The following HOXD4 variants were observed in gnomAD, a reference collection of about 807,000 sequenced individuals.
HOXD4 encodes the protein homeobox D4, also known as homeobox protein Hox-D4.
Under a neutral mutation model 22.6 loss-of-function variants are expected in HOXD4, and 15 were observed. The observed-to-expected ratio is 0.67, with a 90% confidence interval of 0.45 to 1.02. The LOEUF is 1.02. HOXD4 is among the 50% of genes least tolerant of loss of function. The pLI is 0.00. For missense variants in HOXD4, 350 were observed against 346.6 expected (o/e 1.01, Z -0.08); for synonymous variants, 176 against 157.0 (o/e 1.12, Z -0.90).
chr2:176,153,142 GC>G lies in HOXD4; in HGVS notation c.*201del. 2.0e-6 allele frequency: 1 copy of G among 490,376 alleles called. No homozygotes were observed. Among genetic ancestry groups the G allele is most frequent in the Non-Finnish European group, 3.8e-6 (1 of 261,274 alleles). 30.4% of individuals were successfully genotyped at this position (490,376 alleles called of 1,614,324 possible). A position where few individuals can be genotyped will look rare whatever the true frequency, so the allele number is the denominator to read the frequency against. On this transcript the variant is annotated 3_prime_UTR_variant, in exon 2 of 2. Transcript: ENST00000306324. Reference sequence around the variant, plus strand: ...GAGCGGGATGGGGATGGGAGGGGGGGCGGGATTCTCTCTCTAAGTATATTAT... The same window carrying G: ...GAGCGGGATGGGGATGGGAGGGGGGGGGGATTCTCTCTCTAAGTATATTAT...
At position 176,152,726 on chromosome 2, in the gene HOXD4, G is replaced by A. The variant is rs1416403766; in HGVS notation, c.552G>A (p.Arg184=). ...HFNRYLTRRR[R]IEIAHTLCLS... is the part of the protein sequence containing the mutation. ...ACAGGTATCTGACAAGGCGCCGTCGGATTGAAATCGCTCACACCCTGTGTC... is the reference window on the plus strand; with the variant it reads ...ACAGGTATCTGACAAGGCGCCGTCGAATTGAAATCGCTCACACCCTGTGTC... Residue 184 remains arginine, a synonymous_variant, in exon 2 of 2, where the codon CGG becomes CGA. Coordinates refer to ENST00000306324, the MANE Select transcript of HOXD4 (RefSeq NM_014621.3). This position sits in a 1 kb window ranked among gnomAD's most constrained non-coding sequence, Gnocchi z 5.2. The A allele has an allele frequency of 6.2e-7, 1 of 1,614,208 alleles. No individual in the cohort carries two copies. The highest frequency in any genetic ancestry group is 1.1e-5 in the South Asian group (1 of 91,086).
chr2:176,152,198 T>G lies in HOXD4; in HGVS notation c.433+132T>G. On this transcript the variant is annotated intron_variant, in intron 1 of 1. Coordinates refer to ENST00000306324, the MANE Select transcript of HOXD4 (RefSeq NM_014621.3). The surrounding 1 kb of genome is among the most constrained non-coding windows in gnomAD (Gnocchi z 5.2). ...CCGCAATTACTCTCCCCATAAATTTTTATAGCTGAGGGAGCAGGTCAGGAC... is the reference window on the plus strand; with the variant it reads ...CCGCAATTACTCTCCCCATAAATTTGTATAGCTGAGGGAGCAGGTCAGGAC... The G allele has an allele frequency of 1.2e-6, 1 of 812,602 alleles. No individual in the cohort carries two copies. The allele number at this position is 812,602 out of a possible 1,614,324, so 50.3% of individuals were successfully genotyped here. A position where few individuals can be genotyped will look rare whatever the true frequency, so the allele number is the denominator to read the frequency against.
chr2:176,151,949 C>A lies in HOXD4; in HGVS notation c.316C>A (p.Pro106Thr). The A allele has an allele frequency of 1.2e-6, 2 of 1,610,472 alleles. No individual in the cohort carries two copies. The highest frequency in any genetic ancestry group is 1.7e-6 in the Non-Finnish European group (2 of 1,178,380). ...CPAPPAPPPA[P>T]LPGARAYSQS... ...AGCTCCCCCGGCGCCTCCGCCGGCGCCCCTGCCTGGCGCCCGGGCCTACAG... is the reference window on the plus strand; with the variant it reads ...AGCTCCCCCGGCGCCTCCGCCGGCGACCCTGCCTGGCGCCCGGGCCTACAG... The change falls in exon 1 of 2, where the codon CCC (proline) becomes ACC (threonine). Residue 106 changes from proline (P) to threonine (T), a missense_variant. By Grantham distance (38) the Pro-to-Thr change is conservative (BLOSUM62 -1). Transcript: ENST00000306324.
Position 176,151,690 on chromosome 2 carries a change from G to A in HOXD4, c.57G>A (p.Pro19=), listed in dbSNP as rs376860683. The A allele has an allele frequency of 3.0e-5, 48 of 1,613,600 alleles. No individual in the cohort carries two copies. In the African/African-American group the frequency reaches 5.7e-4, roughly 19 times the overall value. The part of the protein sequence containing the change: ...NSKYVDPKFP[P]CEEYLQGGYL... ...AGTATGTGGACCCCAAGTTCCCTCC[G>A]TGCGAGGAGTATTTGCAGGGCGGCT... Residue 19 remains proline, a synonymous_variant, in exon 1 of 2, where the codon CCG becomes CCA. Coordinates refer to ENST00000306324, the MANE Select transcript of HOXD4 (RefSeq NM_014621.3).
In HOXD4 at chr2:176,153,173, C is replaced by G; in HGVS notation, c.*231C>G. The G allele has an allele frequency of 3.5e-6, 2 of 571,250 alleles. No individual in the cohort carries two copies. 35.4% of individuals were successfully genotyped at this position (571,250 alleles called of 1,614,324 possible). On this transcript the variant is annotated 3_prime_UTR_variant, in exon 2 of 2. Coordinates refer to ENST00000306324, the MANE Select transcript of HOXD4 (RefSeq NM_014621.3). ...TTCTCTCTCTAAGTATATTATATGG[C>G]AGGAGCTACTGAGAACATAAAATCT...
In HOXD4 at chr2:176,152,064, C is replaced by T. The variant is rs765300039; in HGVS notation, c.431C>T (p.Ser144Leu). 17 of 1,612,942 alleles carry T rather than the reference C, an allele frequency of 1.1e-5. No homozygotes were observed. Among genetic ancestry groups the T allele is most frequent in the Non-Finnish European group, 1.4e-5 (17 of 1,179,468 alleles). The stretch of plus-strand genomic sequence containing the variant: ...TGGATGAAGAAGGTGCACGTGAATT[C>T]GGGTAAGGCTAGGGTCCAGTAACCT... ...YPWMKKVHVN[S>L]VNPNYTGGEP... is the part of the protein sequence containing the mutation. The change falls in exon 1 of 2, where the codon TCG becomes TTG. Residue 144 changes from serine to leucine, a missense_variant and splice_region_variant. Coordinates refer to ENST00000306324, the MANE Select transcript of HOXD4 (RefSeq NM_014621.3). This position sits in a 1 kb window ranked among gnomAD's most constrained non-coding sequence, Gnocchi z 5.2.
chr2:176,151,671 T>C lies in HOXD4; in HGVS notation c.38T>C (p.Val13Ala). 1.2e-6 allele frequency: 2 copies of C among 1,613,546 alleles called. No homozygotes were observed. The highest frequency in any genetic ancestry group is 2.2e-5 in the East Asian group (1 of 44,884). ...MSSYMVNSKYVDPKFPPCEEY... is the reference protein window; with the variant it reads ...MSSYMVNSKYADPKFPPCEEY... ...TCGTATATGGTGAACTCCAAGTATG[T>C]GGACCCCAAGTTCCCTCCGTGCGAG... Residue 13 changes from valine to alanine, a missense_variant, in exon 1 of 2, where the codon GTG (valine) becomes GCG (alanine). Val to Ala is a moderately conservative substitution (Grantham distance 64). Transcript: ENST00000306324.
chr2:176,152,991 AGCTGC>A lies in HOXD4; in HGVS notation c.*51_*55del. The A allele has an allele frequency of 6.3e-7, 1 of 1,579,526 alleles. No homozygotes were observed. Among genetic ancestry groups the A allele is most frequent in the Non-Finnish European group, 8.7e-7 (1 of 1,148,742 alleles). ...CTCCCTGCGCACCAGGCTGAGCCGAAGCTGCGGGGGCAGGCCGGGCCTGCTGTCAC... is the reference window on the plus strand; with the variant it reads ...CTCCCTGCGCACCAGGCTGAGCCGAAGGGGGCAGGCCGGGCCTGCTGTCAC... On this transcript the variant is annotated 3_prime_UTR_variant, in exon 2 of 2. Transcript: ENST00000306324. The surrounding 1 kb of genome is among the most constrained non-coding windows in gnomAD (Gnocchi z 5.2).
Position 176,152,717 on chromosome 2 carries a change from G to C in HOXD4, c.543G>C (p.Arg181Ser). Residue 181 changes from arginine to serine, a missense_variant, in exon 2 of 2, where the codon AGG (arginine) becomes AGC (serine). By Grantham distance (110) the Arg-to-Ser change is moderately radical. Coordinates refer to ENST00000306324, the MANE Select transcript of HOXD4 (RefSeq NM_014621.3). The surrounding 1 kb of genome is among the most constrained non-coding windows in gnomAD (Gnocchi z 5.2). ...KEFHFNRYLT[R>S]RRRIEIAHTL... The stretch of plus-strand genomic sequence containing the variant: ...TTCATTTTAACAGGTATCTGACAAG[G>C]CGCCGTCGGATTGAAATCGCTCACA... 1 of 1,614,196 alleles carries C rather than the reference G, an allele frequency of 6.2e-7. No homozygotes were observed. Among genetic ancestry groups the C allele is most frequent in the South Asian group, 1.1e-5 (1 of 91,076 alleles).
In HOXD4 at chr2:176,151,901, G is replaced by A. The variant is rs1375942600; in HGVS notation, c.268G>A (p.Ala90Thr). 6.3e-7 allele frequency: 1 copy of A among 1,591,078 alleles called. No individual in the cohort carries two copies. The highest frequency in any genetic ancestry group is 8.6e-7 in the Non-Finnish European group (1 of 1,168,640). The change falls in exon 1 of 2, where the codon GCC becomes ACC. Residue 90 changes from alanine (A) to threonine (T), a missense_variant. Ala to Thr is a moderately conservative substitution (Grantham distance 58). Transcript: ENST00000306324. ...GCCAGGCGGCCCCGGCGGTCACTAC[G>A]CCGCTCCAGGAGAGCCTTGCCCAGC... ...QEPGGPGGHY[A>T]APGEPCPAPP...
chr2:176,152,072 G>A lies in HOXD4; in HGVS notation c.433+6G>A. ...GAAGGTGCACGTGAATTCGGGTAAG[G>A]CTAGGGTCCAGTAACCTTTCTGTCC... is the stretch of plus-strand genomic sequence containing the variant. On this transcript the variant is annotated splice_donor_region_variant and intron_variant, in intron 1 of 1. Transcript: ENST00000306324. The surrounding 1 kb of genome is among the most constrained non-coding windows in gnomAD (Gnocchi z 5.2). 3 of 1,612,800 alleles carry A rather than the reference G, an allele frequency of 1.9e-6. No homozygotes were observed. The highest frequency in any genetic ancestry group is 2.5e-6 in the Non-Finnish European group (3 of 1,179,246).
chr2:176,152,641 G>A lies in HOXD4; in HGVS notation c.467G>A (p.Arg156Gln), dbSNP rs746435417. 2 of 1,614,128 alleles carry A rather than the reference G, an allele frequency of 1.2e-6. No homozygotes were observed. The highest frequency in any genetic ancestry group is 2.2e-5 in the South Asian group (2 of 91,084). The change falls in exon 2 of 2, where the codon CGG (arginine) becomes CAG (glutamine). Residue 156 changes from arginine to glutamine, a missense_variant. Arg to Gln is a conservative substitution (Grantham distance 43). Transcript: ENST00000306324. This position sits in a 1 kb window ranked among gnomAD's most constrained non-coding sequence, Gnocchi z 5.2. ...NPNYTGGEPK[R>Q]SRTAYTRQQV... ...AACTACACCGGTGGGGAACCCAAGC[G>A]GTCCCGAACGGCCTACACCCGGCAG...
chr2:176,152,131 G>A lies in HOXD4; in HGVS notation c.433+65G>A, dbSNP rs569697825. 32 of 1,407,544 alleles carry A rather than the reference G, an allele frequency of 2.3e-5. No homozygotes were observed. The East Asian group carries it at 3.4e-4, about 15-fold the overall frequency. The allele number at this position is 1,407,544 out of a possible 1,614,324, so 87.2% of individuals were successfully genotyped here. A position where few individuals can be genotyped will look rare whatever the true frequency, so the allele number is the denominator to read the frequency against. On this transcript the variant is annotated intron_variant, in intron 1 of 1. Coordinates refer to ENST00000306324, the MANE Select transcript of HOXD4 (RefSeq NM_014621.3). The surrounding 1 kb of genome is among the most constrained non-coding windows in gnomAD (Gnocchi z 5.2). ...GCCCGTTAGCCTGGGTCCTCTGGAA[G>A]GGGGTGCGAGTAGGTGGGGGCGTGT...
In HOXD4 at chr2:176,151,774, G is replaced by A. The variant is rs1416512280; in HGVS notation, c.141G>A (p.Gln47=). 1 of 1,612,558 alleles carries A rather than the reference G, an allele frequency of 6.2e-7. No individual in the cohort carries two copies. The highest frequency in any genetic ancestry group is 1.1e-5 in the South Asian group (1 of 91,056). ...GCGGCGCGCAGGGCGCAGACTTCCA[G>A]CCCCCGGGGCTCTACCCACGGCCCG... ...YGGGAQGADF[Q]PPGLYPRPDF... is the part of the protein sequence containing the mutation. The change falls in exon 1 of 2, where the codon CAG becomes CAA. Residue 47 remains glutamine, a synonymous_variant. Coordinates refer to ENST00000306324, the MANE Select transcript of HOXD4 (RefSeq NM_014621.3).
In HOXD4 at chr2:176,151,834, C is replaced by T. The variant is rs761052107; in HGVS notation, c.201C>T (p.Pro67=). The T allele has an allele frequency of 3.1e-6, 5 of 1,601,754 alleles. No homozygotes were observed. In the Admixed American group the frequency reaches 5.1e-5, roughly 16 times the overall value. The stretch of plus-strand genomic sequence containing the variant: ...AGCAGCCTTTCGGAGGCAGCGGCCC[C>T]GGGCCTGGCTCGGCGCTGCCTGCGC... ...FGEQPFGGSG[P]GPGSALPARG... The change falls in exon 1 of 2, where the codon CCC becomes CCT. Residue 67 remains proline, a synonymous_variant. Transcript: ENST00000306324.
At position 176,153,136 on chromosome 2, in the gene HOXD4, G is replaced by C. The variant is rs763138953; in HGVS notation, c.*194G>C. 1.9e-4 allele frequency: 97 copies of C among 514,216 alleles called. 17 individuals carry two copies. The highest frequency in any genetic ancestry group is 2.9e-4 in the Non-Finnish European group (80 of 278,946). 31.9% of individuals were successfully genotyped at this position (514,216 alleles called of 1,614,324 possible). On this transcript the variant is annotated 3_prime_UTR_variant, in exon 2 of 2. Transcript: ENST00000306324. ...TCCCTAGAGCGGGATGGGGATGGGAGGGGGGGCGGGATTCTCTCTCTAAGT... is the reference window on the plus strand; with the variant it reads ...TCCCTAGAGCGGGATGGGGATGGGACGGGGGGCGGGATTCTCTCTCTAAGT...
In HOXD4 at chr2:176,152,086, A is replaced by G; in HGVS notation, c.433+20A>G. On this transcript the variant is annotated intron_variant, in intron 1 of 1. Coordinates refer to ENST00000306324, the MANE Select transcript of HOXD4 (RefSeq NM_014621.3). The surrounding 1 kb of genome is among the most constrained non-coding windows in gnomAD (Gnocchi z 5.2). Reference sequence around the variant, plus strand: ...ATTCGGGTAAGGCTAGGGTCCAGTAACCTTTCTGTCCACATCCCAGCCCGT... The same window carrying G: ...ATTCGGGTAAGGCTAGGGTCCAGTAGCCTTTCTGTCCACATCCCAGCCCGT... 1 of 1,606,778 alleles carries G rather than the reference A, an allele frequency of 6.2e-7. No homozygotes were observed. Among genetic ancestry groups the G allele is most frequent in the Non-Finnish European group, 8.5e-7 (1 of 1,174,014 alleles).
chr2:176,151,780 G>T lies in HOXD4; in HGVS notation c.147G>T (p.Pro49=), dbSNP rs768519064. 2 of 1,612,348 alleles carry T rather than the reference G, an allele frequency of 1.2e-6. No individual in the cohort carries two copies. Among genetic ancestry groups the T allele is most frequent in the Non-Finnish European group, 8.5e-7 (1 of 1,179,666 alleles). Residue 49 remains proline (P), a synonymous_variant, in exon 1 of 2, where the codon CCG becomes CCT. Transcript: ENST00000306324. The stretch of plus-strand genomic sequence containing the variant: ...CGCAGGGCGCAGACTTCCAGCCCCC[G>T]GGGCTCTACCCACGGCCCGACTTCG... ...GGAQGADFQP[P]GLYPRPDFGE... is the part of the protein sequence containing the mutation.
chr2:176,153,075 C>G lies in HOXD4; in HGVS notation c.*133C>G. On this transcript the variant is annotated 3_prime_UTR_variant, in exon 2 of 2. Coordinates refer to ENST00000306324, the MANE Select transcript of HOXD4 (RefSeq NM_014621.3). ...GGACCTGGGACAAGCAGGCCGCCCT[C>G]GGACTAGGTTAGCATCCTGCCCGAG... 3.3e-6 allele frequency: 2 copies of G among 597,672 alleles called. No homozygotes were observed. Among genetic ancestry groups the G allele is most frequent in the African/African-American group, 2.0e-5 (1 of 51,048 alleles). 37.0% of individuals were successfully genotyped at this position (597,672 alleles called of 1,614,324 possible). A position where few individuals can be genotyped will look rare whatever the true frequency, so the allele number is the denominator to read the frequency against.
Sources: allele counts gnomAD v4.1 joint callset, GRCh38; gene constraint gnomAD v4.1.1; non-coding constraint Gnocchi (gnomAD v3.1); transcripts MANE v1.5; gene names NCBI Gene and HGNC (gene_info 2026-07-23, HGNC 2026-07-21).